Variants in FAM83B observed in about 807,000 individuals in gnomAD.
FAM83B encodes the protein protein FAM83B.
FAM83B carries 26 observed loss-of-function variants against 38.8 expected under a neutral mutation model. That is an observed-to-expected ratio of 0.67 (90% confidence interval 0.49 to 0.93). FAM83B has a LOEUF of 0.93. FAM83B is among the 40% of genes least tolerant of loss of function. The probability of loss-of-function intolerance (pLI) is 0.00; values close to 1 mark genes in which losing one functional copy is unlikely to be tolerated. For missense variants in FAM83B, 1,237 were observed against 1,197.3 expected (o/e 1.03, Z -0.49); for synonymous variants, 419 against 423.1 (o/e 0.99, Z 0.12).
intron 2 of FAM83B, among the ~76,000 whole-genome samples, chr6:54,884,317 AAG>A (rs1491453295): frequency 5.4e-5 from 8 of 149,180 alleles, no homozygotes; most frequent in African/African-American, 9.8e-5. Flanking sequence ...AAAAAAAAAA[AAG>A]AGAAAAATAG....
In FAM83B at chr6:54,849,741, A is replaced by C. The variant is rs1012035604; in HGVS notation, c.-61+2915A>C. The stretch of plus-strand genomic sequence containing the variant: ...TTGTTTTATTTTTACATTGTCCTTA[A>C]GAGTGGGGTGAGAAGTCCCCTAAGG... On this transcript the variant is annotated intron_variant, in intron 1 of 4. Transcript: ENST00000306858. Among the ~76,000 whole-genome samples, 4 of 151,904 alleles carry C rather than the reference A, an allele frequency of 2.6e-5. 1 individual carries two copies. Among genetic ancestry groups the C allele is most frequent in the African/African-American group, 9.7e-5 (4 of 41,298 alleles).
chr6:54,912,037 A>G (rs929679657), intron 2 of FAM83B, among the ~76,000 whole-genome samples: 1 of 151,670 alleles, frequency 6.6e-6, no homozygotes, highest in African/African-American at 2.4e-5. Flanking sequence ...TCTTTGTCTC[A>G]TTTTCTTCTT....
At chr6:54,879,114 G>A (rs75894521) in intron 2 of FAM83B, among the ~76,000 whole-genome samples, 6,258 of 152,212 alleles carry the variant, frequency 0.041, 148 homozygotes, top group Non-Finnish European at 0.047. Flanking sequence ...TTTAAGTTAC[G>A]ACTTCACCAT....
chr6:54,869,140 C>A (rs1312421503), intron 1 of FAM83B, among the ~76,000 whole-genome samples: 1 of 152,162 alleles, frequency 6.6e-6, no homozygotes, highest in Non-Finnish European at 1.5e-5. Context: ...TGTGAGCCTG[C>A]ATAGGCAGAT....
At chr6:54,878,734 A>T (rs2127577286) in intron 2 of FAM83B, among the ~76,000 whole-genome samples, 1 of 152,306 alleles carries the variant, frequency 6.6e-6, no homozygotes, top group Middle Eastern at 3.4e-3. Context: ...TAAATCAGGA[A>T]TCTACAGGAG....
rs530362365 is a variant in FAM83B at position 54,937,866 on chromosome 6, T to C, written c.735-1840T>C. On this transcript the variant is annotated intron_variant, in intron 4 of 4. Transcript: ENST00000306858. ...AAAATACACAGCAAATTTTTCTTTA[T>C]TTTTTTTAACATTCTATTTTATTTA... Among the ~76,000 whole-genome samples the C allele has an allele frequency of 1.3e-3, 197 of 152,060 alleles. 1 individual carries two copies. In the Middle Eastern group the frequency reaches 0.024, roughly 19 times the overall value.
chr6:54,875,101 C>T (rs1771959307), intron 2 of FAM83B, among the ~76,000 whole-genome samples: 1 of 152,118 alleles, frequency 6.6e-6, no homozygotes, highest in African/African-American at 2.4e-5. Flanking sequence ...CATTGTACCT[C>T]CTCAAGTTTC....
Position 54,940,182 on chromosome 6 carries a change from G to A in FAM83B, c.1211G>A (p.Arg404Lys), listed in dbSNP as rs1397886517. Residue 404 changes from arginine (R) to lysine (K), a missense_variant, in exon 5 of 5, where the codon AGG (arginine) becomes AAG (lysine). By Grantham distance (26) the Arg-to-Lys change is conservative (BLOSUM62 2). Coordinates refer to ENST00000306858, the MANE Select transcript of FAM83B (RefSeq NM_001010872.3). ...PETVPYLLLN[R>K]ALNRTNNPPG... ...ACAGTGCCATACCTCCTGCTTAATA[G>A]GGCTCTGAATAGAACCAATAATCCA... 1 of 1,614,006 alleles carries A rather than the reference G, an allele frequency of 6.2e-7. No homozygotes were observed. The highest frequency in any genetic ancestry group is 1.7e-5 in the Admixed American group (1 of 59,972).
intron 2 of FAM83B, among the ~76,000 whole-genome samples, chr6:54,895,796 A>C (rs1008052003): frequency 3.9e-5 from 6 of 152,204 alleles, no homozygotes; most frequent in African/African-American, 1.4e-4. Context: ...GCTGGAGTGC[A>C]GTGGGGTGAT....
intron 2 of FAM83B, among the ~76,000 whole-genome samples, chr6:54,881,578 T>C (rs1772133101): frequency 6.6e-6 from 1 of 151,908 alleles, no homozygotes; most frequent in African/African-American, 2.4e-5. Context: ...AACTGAGTCA[T>C]AGTAGTCATA....
intron 4 of FAM83B, among the ~76,000 whole-genome samples, chr6:54,931,911 G>T (rs1309007613): frequency 7.9e-6 from 1 of 126,122 alleles, no homozygotes; most frequent in Admixed American, 7.6e-5. Flanking sequence ...GTTTTGTTTT[G>T]TTTTTTGCAC....
chr6:54,849,605 A>T (rs1350555241), intron 1 of FAM83B, among the ~76,000 whole-genome samples: 4 of 151,814 alleles, frequency 2.6e-5, no homozygotes, highest in African/African-American at 9.7e-5. Flanking sequence ...TCCAAATATG[A>T]GAGATATTCA....
Position 54,941,414 on chromosome 6 carries a change from C to A in FAM83B, c.2443C>A (p.Gln815Lys), listed in dbSNP as rs778964494. 3.7e-6 allele frequency: 6 copies of A among 1,612,776 alleles called. No homozygotes were observed. Among genetic ancestry groups the A allele is most frequent in the Middle Eastern group, 1.7e-4 (1 of 6,042 alleles). The stretch of plus-strand genomic sequence containing the variant: ...ATTAGTTTCTGAGGGTGAAGAAAAT[C>A]AAAAACCAAAGAAATCAGACACAAA... ...DTLVSEGEEN[Q>K]KPKKSDTKVD... The change falls in exon 5 of 5, where the codon CAA (glutamine) becomes AAA (lysine). Residue 815 changes from glutamine to lysine, a missense_variant. Transcript: ENST00000306858.
At chr6:54,858,875 T>C (rs1203921541) in intron 1 of FAM83B, among the ~76,000 whole-genome samples, 3 of 152,216 alleles carry the variant, frequency 2.0e-5, no homozygotes, top group Non-Finnish European at 4.4e-5. Flanking sequence ...TATAGATCTA[T>C]CCATTTACCT....
intron 1 of FAM83B, among the ~76,000 whole-genome samples, chr6:54,850,424 T>A (rs1452997825): frequency 6.6e-6 from 1 of 152,224 alleles, no homozygotes; most frequent in Non-Finnish European, 1.5e-5. Flanking sequence ...CCCCACAGTA[T>A]CACTGTGAAG....
chr6:54,921,087 G>T (rs769743889), intron 2 of FAM83B, among the ~76,000 whole-genome samples: 6 of 151,586 alleles, frequency 4.0e-5, no homozygotes, highest in Non-Finnish European at 8.8e-5. Context: ...CTGTATCTTT[G>T]CAGTACTAGC....
rs1473395544 is a variant in FAM83B at position 54,940,771 on chromosome 6, C to T, written c.1800C>T (p.Pro600=). 1 of 1,614,010 alleles carries T rather than the reference C, an allele frequency of 6.2e-7. No individual in the cohort carries two copies. Among genetic ancestry groups the T allele is most frequent in the Non-Finnish European group, 8.5e-7 (1 of 1,179,990 alleles). Residue 600 remains proline, a synonymous_variant, in exon 5 of 5, where the codon CCC becomes CCT. Transcript: ENST00000306858. ...ACAAACCCTTGCCAGAATCAATCCC[C>T]AAGCTCCCATTGCAGTCAGAGGCAC... ...LTDKPLPESI[P]KLPLQSEAPK...
chr6:54,939,557 G>A (rs899259961), intron 4 of FAM83B, 149 bp from the exon 5 acceptor site: 2 of 693,286 alleles, frequency 2.9e-6, no homozygotes, highest in Non-Finnish European at 4.4e-6. Context: ...GGGAAAACAT[G>A]TAGTGCATGT....
chr6:54,908,203 A>T (rs1258915021), intron 2 of FAM83B, among the ~76,000 whole-genome samples: 1 of 149,254 alleles, frequency 6.7e-6, no homozygotes, highest in East Asian at 1.9e-4. Context: ...TATTCTACTG[A>T]TAGAAGTTGT....
Sources: allele counts gnomAD v4.1 joint callset (sites outside exome capture counted in the v4.1 genomes callset), GRCh38; gene constraint gnomAD v4.1.1; transcripts MANE v1.5; gene names NCBI Gene and HGNC (gene_info 2026-07-23, HGNC 2026-07-21).